Variants in UNC13C observed in about 807,000 individuals in gnomAD.
The protein encoded by UNC13C is unc-13 homolog C, also known as protein unc-13 homolog C.
A neutral mutation model predicts 245.4 loss-of-function variants in UNC13C; 174 were observed. The observed-to-expected ratio is 0.71, with a 90% CI of 0.63 to 0.80. The LOEUF (loss-of-function observed/expected upper bound fraction) is 0.80. UNC13C is among the 30% of genes least tolerant of loss of function. The probability of loss-of-function intolerance (pLI) is 0.00; values close to 1 mark genes in which losing one functional copy is unlikely to be tolerated. For missense variants in UNC13C, 2,829 were observed against 2,602.9 expected (o/e 1.09, Z -1.89); for synonymous variants, 992 against 895.1 (o/e 1.11, Z -1.93).
At chr15:54,493,003 C>T (rs1348959923) in intron 19 of UNC13C, among the ~76,000 whole-genome samples, 3 of 152,096 alleles carry the variant, frequency 2.0e-5, no homozygotes, top group Non-Finnish European at 4.4e-5. Context: ...AGTGTAAGAT[C>T]CCAAGTGATA....
At chr15:53,947,117 G>A in the UNC13C span, among the ~76,000 whole-genome samples, 8 of 152,252 alleles carry the variant, frequency 5.3e-5, no homozygotes, top group African/African-American at 1.9e-4. Flanking sequence ...AACCTATGGT[G>A]ATGACTTATA....
intron 26 of UNC13C, among the ~76,000 whole-genome samples, chr15:54,543,211 C>T (rs890170582): frequency 4.6e-5 from 7 of 152,062 alleles, no homozygotes; most frequent in Non-Finnish European, 5.9e-5. Flanking sequence ...CAAAATATCT[C>T]AGCATTTGCT....
At chr15:54,394,062 A>G (rs1384621854) in intron 18 of UNC13C, among the ~76,000 whole-genome samples, 1 of 151,940 alleles carries the variant, frequency 6.6e-6, no homozygotes, top group Non-Finnish European at 1.5e-5. Context: ...ACAGTGAAGT[A>G]GACTCAGACT....
At chr15:54,565,329 T>G (rs1897463494) in intron 29 of UNC13C, among the ~76,000 whole-genome samples, 1 of 151,950 alleles carries the variant, frequency 6.6e-6, no homozygotes, top group Non-Finnish European at 1.5e-5. Flanking sequence ...GATACAGATT[T>G]AATAAATATT....
chr15:54,459,003 G>C (rs1488548252), intron 19 of UNC13C, among the ~76,000 whole-genome samples: 1 of 151,858 alleles, frequency 6.6e-6, no homozygotes, highest in Admixed American at 6.6e-5. Flanking sequence ...GTTGATTTAT[G>C]CTTTAAAGAG....
intron 2 of UNC13C, among the ~76,000 whole-genome samples, chr15:54,029,905 T>A (rs2141016392): frequency 6.6e-6 from 1 of 152,296 alleles, no homozygotes; most frequent in Admixed American, 6.5e-5. Flanking sequence ...TCTGCCTCAG[T>A]CTTCTCTGAT....
At position 54,015,764 on chromosome 15, in the gene UNC13C, A is replaced by T. The variant is rs1895627651; in HGVS notation, c.2861A>T (p.Asn954Ile). The change falls in exon 2 of 33, where the codon AAC becomes ATC. Residue 954 changes from asparagine to isoleucine, a missense_variant. Coordinates refer to ENST00000260323, the MANE Select transcript of UNC13C (RefSeq NM_001080534.3). ...GAAATAAGAGAAGATGAAAACCAAAACATTCCTGAACAGCCAGTGGAGATC... is the reference window on the plus strand; with the variant it reads ...GAAATAAGAGAAGATGAAAACCAAATCATTCCTGAACAGCCAGTGGAGATC... Reference protein sequence around the residue: ...EMEIREDENQNIPEQPVEITK... With the variant: ...EMEIREDENQIIPEQPVEITK... The T allele has an allele frequency of 4.3e-6, 7 of 1,612,600 alleles. No individual in the cohort carries two copies. Among genetic ancestry groups the T allele is most frequent in the Non-Finnish European group, 5.9e-6 (7 of 1,179,284 alleles).
At chr15:54,579,430 G>T (rs896225514) in intron 30 of UNC13C, among the ~76,000 whole-genome samples, 2 of 152,124 alleles carry the variant, frequency 1.3e-5, no homozygotes, top group African/African-American at 4.8e-5. Flanking sequence ...TTAAGGCCTT[G>T]GATTTAAATC....
chr15:54,353,941 C>A (rs2039038910), intron 17 of UNC13C, among the ~76,000 whole-genome samples: 2 of 152,144 alleles, frequency 1.3e-5, no homozygotes, highest in Non-Finnish European at 1.5e-5. Context: ...GGAGGCAGAC[C>A]CTTTTGCTTT....
Position 54,258,837 on chromosome 15 carries a change from G to T in UNC13C, c.3449-5331G>T, listed in dbSNP as rs1454415147. Reference sequence around the variant, plus strand: ...CTGTTTTTCAGATGAAGAAGCTAAAGTTGAGAGAGATAAACTAACAAGCTC... The same window carrying T: ...CTGTTTTTCAGATGAAGAAGCTAAATTTGAGAGAGATAAACTAACAAGCTC... On this transcript the variant is annotated intron_variant, in intron 8 of 32. Transcript: ENST00000260323. Among the ~76,000 whole-genome samples the T allele has an allele frequency of 2.0e-5, 3 of 152,204 alleles. No individual in the cohort carries two copies. The South Asian group carries it at 6.2e-4, about 31-fold the overall frequency.
intron 17 of UNC13C, among the ~76,000 whole-genome samples, chr15:54,376,268 C>G (rs922533139): frequency 6.6e-6 from 1 of 151,920 alleles, no homozygotes; most frequent in Non-Finnish European, 1.5e-5. Context: ...CCTGGAACAT[C>G]TAAGAATACC....
At chr15:54,299,289 T>A (rs1285819563) in intron 12 of UNC13C, among the ~76,000 whole-genome samples, 2 of 152,156 alleles carry the variant, frequency 1.3e-5, no homozygotes, top group African/African-American at 4.8e-5. Context: ...GTTGCTAAAC[T>A]TAGAAGCAAA....
chr15:54,548,923 T>G (rs1896612327), intron 27 of UNC13C, among the ~76,000 whole-genome samples: 1 of 152,128 alleles, frequency 6.6e-6, no homozygotes, highest in Admixed American at 6.6e-5. Flanking sequence ...ATTCTCAAAC[T>G]TATAGTCTTT....
chr15:54,530,878 TACA>T (rs1288050754), intron 25 of UNC13C, among the ~76,000 whole-genome samples: 1 of 151,516 alleles, frequency 6.6e-6, no homozygotes, highest in East Asian at 1.9e-4. Context: ...GTCTGTCAAA[TACA>T]ACTAGAGTTT....
At chr15:54,487,766 C>CAAAAAAAAAA (rs5812760) in intron 19 of UNC13C, among the ~76,000 whole-genome samples, 1 of 62,768 alleles carries the variant, frequency 1.6e-5, no homozygotes, top group African/African-American at 6.0e-5. Flanking sequence ...GATTCCATCT[C>CAAAAAAAAAA]AAAAAAAAAA....
chr15:53,899,675 C>T, the UNC13C span, among the ~76,000 whole-genome samples: 1 of 152,158 alleles, frequency 6.6e-6, no homozygotes, highest in Admixed American at 6.5e-5. Flanking sequence ...AGCGATTCTC[C>T]TGCCTCAGCC....
chr15:53,944,742 T>A, the UNC13C span, among the ~76,000 whole-genome samples: 1 of 152,188 alleles, frequency 6.6e-6, no homozygotes, highest in African/African-American at 2.4e-5. Context: ...CATCCGTGTG[T>A]CCTTATGGTA....
the UNC13C span, among the ~76,000 whole-genome samples, chr15:53,890,432 C>T: frequency 0.049 from 7,403 of 152,112 alleles, 613 homozygotes; most frequent in African/African-American, 0.17. Context: ...TGAGCCACTG[C>T]GCCCAGCTAC....
intron 24 of UNC13C, among the ~76,000 whole-genome samples, chr15:54,515,043 C>T (rs536213330): frequency 6.6e-6 from 1 of 152,160 alleles, no homozygotes; most frequent in South Asian, 2.1e-4. Flanking sequence ...AAATCAGGGG[C>T]ATGTTTTGGC....
Sources: gnomAD v4.1 joint callset for allele counts (sites outside exome capture counted in the v4.1 genomes callset) on GRCh38, gnomAD v4.1.1 for gene constraint, MANE v1.5 for transcripts, NCBI Gene and HGNC (gene_info 2026-07-23, HGNC 2026-07-21) for gene names.